Variants in TRPV3 observed in about 807,000 individuals in gnomAD.
TRPV3 encodes transient receptor potential cation channel subfamily V member 3, also known as VRL-3.
TRPV3 carries 88 observed loss-of-function variants against 87.1 expected under a neutral mutation model. The observed-to-expected ratio is 1.01, with a 90% confidence interval of 0.85 to 1.21. The LOEUF is 1.21. Among genes scored for constraint, TRPV3 ranks in the 50% most tolerant of loss-of-function variants. TRPV3 has a pLI of 0.00. For missense variants in TRPV3, 1,054 were observed against 1,030.1 expected (o/e 1.02, Z -0.32); for synonymous variants, 438 against 423.3 (o/e 1.03, Z -0.43).
At chr17:3,533,793 G>A (rs564688129) in intron 7 of TRPV3, among the ~76,000 whole-genome samples, 2 of 152,040 alleles carry the variant, frequency 1.3e-5, no homozygotes, top group Non-Finnish European at 2.9e-5. Flanking sequence ...CACTGCACTC[G>A]GTCTACTTTG....
intron 15 of TRPV3, among the ~76,000 whole-genome samples, chr17:3,517,489 C>T (rs566841976): frequency 9.9e-5 from 15 of 151,350 alleles, no homozygotes; most frequent in Middle Eastern, 3.4e-3. Flanking sequence ...TGTGGTGGCG[C>T]GTGCCTGTAA....
At chr17:3,545,944 C>G (rs566980011) in intron 2 of TRPV3, among the ~76,000 whole-genome samples, 2 of 148,462 alleles carry the variant, frequency 1.3e-5, no homozygotes, top group South Asian at 4.4e-4. Context: ...GAGCCGAGAC[C>G]GCGCCACTGC....
chr17:3,533,333 G>C (rs777541103), intron 7 of TRPV3, among the ~76,000 whole-genome samples: 2 of 152,058 alleles, frequency 1.3e-5, no homozygotes, highest in Non-Finnish European at 2.9e-5. Flanking sequence ...GCCTTCGCTC[G>C]GCTGTCCCCT....
intron 2 of TRPV3, among the ~76,000 whole-genome samples, chr17:3,551,735 T>C (rs2074576436): frequency 6.6e-6 from 1 of 152,220 alleles, no homozygotes; most frequent in Non-Finnish European, 1.5e-5. Context: ...TCTCAGGGAA[T>C]GGCACGATGG....
At chr17:3,538,569 T>A (rs2074429215) in intron 6 of TRPV3, among the ~76,000 whole-genome samples, 1 of 148,896 alleles carries the variant, frequency 6.7e-6, no homozygotes, top group Non-Finnish European at 1.5e-5. Context: ...ATTATAACTT[T>A]ATTTTATTTA....
chr17:3,547,219 T>C (rs1167209421), intron 2 of TRPV3, among the ~76,000 whole-genome samples: 1 of 152,218 alleles, frequency 6.6e-6, no homozygotes, highest in Non-Finnish European at 1.5e-5. Flanking sequence ...GACTCTGAGA[T>C]CCACGCGGGC....
chr17:3,519,875 TGGA>T (rs1340859530), intron 14 of TRPV3, among the ~76,000 whole-genome samples: 4 of 144,790 alleles, frequency 2.8e-5, no homozygotes, highest in Non-Finnish European at 3.0e-5. Context: ...GATGGATGGA[TGGA>T]TGGATGGATG....
At chr17:3,543,433 G>T (rs2074488139) in intron 5 of TRPV3, 41 bp downstream of exon 5, 3 of 1,601,924 alleles carry the variant, frequency 1.9e-6, no homozygotes, top group Non-Finnish European at 2.6e-6. Context: ...AGCCAAGCAG[G>T]GCCCCCAGCC....
intron 2 of TRPV3, among the ~76,000 whole-genome samples, chr17:3,546,306 G>A (rs981294597): frequency 1.4e-4 from 21 of 151,860 alleles, no homozygotes; most frequent in African/African-American, 4.6e-4. Context: ...GACAGGCGTC[G>A]TGGTGCATGC....
intron 13 of TRPV3, among the ~76,000 whole-genome samples, chr17:3,521,786 A>T (rs2074247975): frequency 6.6e-6 from 1 of 152,208 alleles, no homozygotes; most frequent in African/African-American, 2.4e-5. Flanking sequence ...TATTTAAAAC[A>T]AAGACAGGCC....
chr17:3,518,834 G>C lies in TRPV3; in HGVS notation c.1827C>G (p.Ile609Met). ...LGFGVALASL[I>M]EKCPKDNKDC... is the part of the protein sequence containing the mutation. Reference sequence around the variant, plus strand: ...CCTTGTTGTCTTTGGGACACTTCTCGATCAGCGAGGCCAAGGCTAAGGGAA... The same window carrying C: ...CCTTGTTGTCTTTGGGACACTTCTCCATCAGCGAGGCCAAGGCTAAGGGAA... The change falls in exon 15 of 18, where the codon ATC (isoleucine) becomes ATG (methionine). Residue 609 changes from isoleucine (I) to methionine (M), a missense_variant. Transcript: ENST00000576742. The surrounding 1 kb of genome is among the most constrained non-coding windows in gnomAD (Gnocchi z 4.3). The C allele has an allele frequency of 6.2e-7, 1 of 1,613,710 alleles. No homozygotes were observed. The highest frequency in any genetic ancestry group is 8.5e-7 in the Non-Finnish European group (1 of 1,179,774).
intron 2 of TRPV3, chr17:3,554,053 C>G (rs1478832794): frequency 6.6e-6 from 1 of 152,524 alleles, no homozygotes; most frequent in Admixed American, 6.5e-5. Context: ...TCCAGGTCTC[C>G]TCCACGTCCC....
Position 3,516,142 on chromosome 17 carries a change from C to T in TRPV3, c.2198+315G>A, listed in dbSNP as rs544303193. ...CGGAGGTTGCAATGAGCCAAGATTG[C>T]GCCATTGCACTCCAGCCCGGGCAAC... On this transcript the variant is annotated intron_variant, in intron 16 of 17. Transcript: ENST00000576742. 9.2e-5 allele frequency among the ~76,000 whole-genome samples: 14 copies of T among 152,084 alleles called. No homozygotes were observed. In the South Asian group the frequency reaches 1.0e-3, roughly 11 times the overall value.
chr17:3,514,322 A>T lies in TRPV3; in HGVS notation c.2278+271T>A, dbSNP rs1597462600. 12 of 515,692 alleles carry T rather than the reference A, an allele frequency of 2.3e-5. No homozygotes were observed. The South Asian group carries it at 2.8e-4, about 12-fold the overall frequency. 31.9% of individuals were successfully genotyped at this position (515,692 alleles called of 1,614,324 possible). A position where few individuals can be genotyped will look rare whatever the true frequency, so the allele number is the denominator to read the frequency against. On this transcript the variant is annotated intron_variant, in intron 17 of 17. Coordinates refer to ENST00000576742, the MANE Select transcript of TRPV3 (RefSeq NM_145068.4). ...TCAAACTCCTGACCTCAGGTGATTC[A>T]CCCGACTCGTCCTCCCAAAGTGCTG...
intron 6 of TRPV3, among the ~76,000 whole-genome samples, chr17:3,539,392 G>A (rs946504962): frequency 1.3e-5 from 2 of 152,070 alleles, no homozygotes; most frequent in Non-Finnish European, 2.9e-5. Flanking sequence ...GGTGGCTCAC[G>A]CCTATAATCC....
intron 12 of TRPV3, among the ~76,000 whole-genome samples, chr17:3,525,272 G>C (rs530491076): frequency 5.3e-5 from 8 of 152,104 alleles, no homozygotes; most frequent in Non-Finnish European, 1.0e-4. Flanking sequence ...CACCCACCTC[G>C]GCCTCCCAAA....
chr17:3,529,438 T>C (rs1439516651), intron 9 of TRPV3, among the ~76,000 whole-genome samples: 4 of 152,058 alleles, frequency 2.6e-5, no homozygotes, highest in Non-Finnish European at 5.9e-5. Flanking sequence ...GCAAGGGGAC[T>C]CTGGGAAGCA....
At chr17:3,534,555 G>A (rs932371221) in intron 7 of TRPV3, among the ~76,000 whole-genome samples, 4 of 152,154 alleles carry the variant, frequency 2.6e-5, no homozygotes, top group African/African-American at 9.7e-5. Context: ...GACTGCAGTG[G>A]TGGTGAACCA....
intron 2 of TRPV3, among the ~76,000 whole-genome samples, chr17:3,547,039 G>T (rs2074533907): frequency 6.6e-6 from 1 of 151,234 alleles, no homozygotes; most frequent in Admixed American, 6.6e-5. Flanking sequence ...GGTCTCTACT[G>T]CGGGTGGCCT....
Sources: gnomAD v4.1 joint callset for allele counts (sites outside exome capture counted in the v4.1 genomes callset) on GRCh38, gnomAD v4.1.1 for gene constraint, Gnocchi (gnomAD v3.1) non-coding constraint, MANE v1.5 for transcripts, NCBI Gene and HGNC (gene_info 2026-07-23, HGNC 2026-07-21) for gene names.